RRP15: variants seen among roughly 807,000 people sequenced by gnomAD.
RRP15 encodes the protein ribosomal RNA processing 15 homolog, also known as RRP15-like protein.
A neutral mutation model predicts 27.1 loss-of-function variants in RRP15; 18 were observed. The ratio of observed to expected loss-of-function variants is 0.66; its 90% CI spans 0.46 to 0.98. RRP15 has a LOEUF of 0.98. RRP15 is among the 50% of genes least tolerant of loss of function. The probability of loss-of-function intolerance (pLI) is 0.00; values close to 1 mark genes in which losing one functional copy is unlikely to be tolerated. For synonymous variants in RRP15, 107 were observed against 109.4 expected (o/e 0.98, Z 0.14); for missense variants, 359 against 337.8 (o/e 1.06, Z -0.49).
At chr1:218,296,728 A>C (rs189374045) in intron 1 of RRP15, among the ~76,000 whole-genome samples, 1 of 152,088 alleles carries the variant, frequency 6.6e-6, no homozygotes, top group Non-Finnish European at 1.5e-5. Flanking sequence ...ACATCTAACT[A>C]CATGTTAGCT....
chr1:218,323,953 C>T (rs1656230232), intron 4 of RRP15, among the ~76,000 whole-genome samples: 1 of 152,200 alleles, frequency 6.6e-6, no homozygotes, highest in Non-Finnish European at 1.5e-5. Flanking sequence ...CTGGCCCCCT[C>T]CACTCCAGAG....
chr1:218,309,705 A>C (rs1208628555), intron 4 of RRP15, among the ~76,000 whole-genome samples: 6 of 151,738 alleles, frequency 4.0e-5, no homozygotes, highest in South Asian at 4.2e-4. Context: ...AAAAAAAAAA[A>C]AAACATATTT....
At chr1:218,296,605 C>G (rs184833248) in intron 1 of RRP15, among the ~76,000 whole-genome samples, 1 of 150,758 alleles carries the variant, frequency 6.6e-6, no homozygotes, top group Non-Finnish European at 1.5e-5. Flanking sequence ...GATTCTGTCA[C>G]TATACTCCAG....
intron 4 of RRP15, among the ~76,000 whole-genome samples, chr1:218,326,281 A>G (rs1464123737): frequency 1.3e-5 from 2 of 152,214 alleles, no homozygotes; most frequent in Admixed American, 6.5e-5. Flanking sequence ...ACTCCAGCCT[A>G]GGCAACAAGA....
chr1:218,297,614 C>T (rs1558202931), intron 1 of RRP15, among the ~76,000 whole-genome samples: 2 of 152,178 alleles, frequency 1.3e-5, no homozygotes, highest in Non-Finnish European at 2.9e-5. Flanking sequence ...TTGTCCCTTA[C>T]TAACTGTCCT....
chr1:218,326,987 C>A (rs1656284869), intron 4 of RRP15, among the ~76,000 whole-genome samples: 1 of 152,180 alleles, frequency 6.6e-6, no homozygotes, highest in Admixed American at 6.5e-5. Flanking sequence ...TTTGCAGATT[C>A]TGCAGTGTAA....
intron 4 of RRP15, among the ~76,000 whole-genome samples, chr1:218,323,795 C>T (rs1428520331): frequency 6.6e-6 from 1 of 152,198 alleles, no homozygotes; most frequent in Admixed American, 6.5e-5. Flanking sequence ...TCAGCGCTGC[C>T]CCCAGTGTGC....
At chr1:218,286,152 AACAG>A (rs560944623) in intron 1 of RRP15, among the ~76,000 whole-genome samples, 28 of 152,320 alleles carry the variant, frequency 1.8e-4, no homozygotes, top group African/African-American at 5.8e-4. Context: ...ATACCCAAAA[AACAG>A]ACAGAGCTAT....
At chr1:218,286,428 G>T (rs929477985) in intron 1 of RRP15, among the ~76,000 whole-genome samples, 1 of 152,092 alleles carries the variant, frequency 6.6e-6, no homozygotes, top group Non-Finnish European at 1.5e-5. Flanking sequence ...CAAATGCTTG[G>T]CATGTCTCTC....
intron 1 of RRP15, among the ~76,000 whole-genome samples, chr1:218,292,326 G>A (rs1655657603): frequency 6.6e-6 from 1 of 152,104 alleles, no homozygotes; most frequent in Non-Finnish European, 1.5e-5. Flanking sequence ...TTCTCTGAGA[G>A]GCACATTGCA....
intron 1 of RRP15, among the ~76,000 whole-genome samples, chr1:218,295,592 T>G (rs982961466): frequency 1.6e-4 from 24 of 152,232 alleles, no homozygotes; most frequent in Admixed American, 9.2e-4. Context: ...TAAACTACAA[T>G]GCTGTATTTA....
At position 218,319,759 on chromosome 1, in the gene RRP15, AT is replaced by A. The variant is rs1656157022; in HGVS notation, c.706-11188del. ...AAAGCACTTTTACATATGTTTTCTT[AT>A]GTAAGCTTTTTAGCAAATTTGTGAT... On this transcript the variant is annotated intron_variant, in intron 4 of 4. Transcript: ENST00000366932. Among the ~76,000 whole-genome samples the A allele has an allele frequency of 2.0e-5, 3 of 152,140 alleles. No homozygotes were observed. The South Asian group carries it at 6.2e-4, about 32-fold the overall frequency.
At chr1:218,303,441 T>G (rs1655845019) in intron 2 of RRP15, among the ~76,000 whole-genome samples, 1 of 152,214 alleles carries the variant, frequency 6.6e-6, no homozygotes, top group South Asian at 2.1e-4. Flanking sequence ...TGGAAATTTT[T>G]AAGTATTGCT....
intron 4 of RRP15, among the ~76,000 whole-genome samples, chr1:218,330,146 A>G (rs953936599): frequency 6.6e-6 from 1 of 152,132 alleles, no homozygotes; most frequent in South Asian, 2.1e-4. Context: ...AGTGCTTGAT[A>G]CACAGCTAAT....
intron 2 of RRP15, 170 bp downstream of exon 2, chr1:218,302,729 C>T: frequency 9.8e-7 from 1 of 1,019,910 alleles, no homozygotes; most frequent in South Asian, 1.8e-5. Flanking sequence ...CTAAATTATT[C>T]CATTGAGCAT....
Position 218,307,658 on chromosome 1 carries a change from T to C in RRP15, c.705+26T>C, listed in dbSNP as rs146988671. The C allele has an allele frequency of 5.2e-5, 77 of 1,492,522 alleles. No individual in the cohort carries two copies. In the African/African-American group the frequency reaches 8.3e-4, roughly 16 times the overall value. The allele number at this position is 1,492,522 out of a possible 1,614,324, so 92.5% of individuals were successfully genotyped here. A position where few individuals can be genotyped will look rare whatever the true frequency, so the allele number is the denominator to read the frequency against. On this transcript the variant is annotated intron_variant, in intron 4 of 4. Transcript: ENST00000366932. ...GTAAAAACTTTTCTATAGGATTCAGTGTATCAGACTTTCAGCTCTAAAACT... is the reference window on the plus strand; with the variant it reads ...GTAAAAACTTTTCTATAGGATTCAGCGTATCAGACTTTCAGCTCTAAAACT...
At position 218,332,870 on chromosome 1, in the gene RRP15, A is replaced by G. The variant is rs979017765; in HGVS notation, c.*1779A>G. 13 of 141,468 alleles carry G rather than the reference A, an allele frequency of 9.2e-5. No individual in the cohort carries two copies. The highest frequency in any genetic ancestry group is 3.7e-4 in the African/African-American group (13 of 35,184). The allele number at this position is 141,468 out of a possible 1,614,324, so 8.8% of individuals were successfully genotyped here. On this transcript the variant is annotated 3_prime_UTR_variant, in exon 5 of 5. Coordinates refer to ENST00000366932, the MANE Select transcript of RRP15 (RefSeq NM_016052.4). ...TGACTTAACAAACACACAATTTTGA[A>G]AAAAAAAAAAAAAAAGTGCAGCAAC...
intron 1 of RRP15, among the ~76,000 whole-genome samples, chr1:218,295,547 T>G (rs1408848650): frequency 6.6e-6 from 1 of 152,202 alleles, no homozygotes; most frequent in Non-Finnish European, 1.5e-5. Context: ...ACAATTCAGG[T>G]TAGAAGGTCC....
intron 1 of RRP15, among the ~76,000 whole-genome samples, chr1:218,286,881 C>G (rs1305745697): frequency 6.6e-6 from 1 of 152,086 alleles, no homozygotes; most frequent in African/African-American, 2.4e-5. Flanking sequence ...AGTTCAAACA[C>G]TATTGTTCAA....
Sources: allele counts gnomAD v4.1 joint callset (sites outside exome capture counted in the v4.1 genomes callset), GRCh38; gene constraint gnomAD v4.1.1; transcripts MANE v1.5; gene names NCBI Gene and HGNC (gene_info 2026-07-23, HGNC 2026-07-21).